CCDC15: variants seen among roughly 807,000 people sequenced by gnomAD.
CCDC15 encodes coiled-coil domain containing 15.
CCDC15 carries 105 observed loss-of-function variants against 114.5 expected under a neutral mutation model. The observed-to-expected ratio is 0.92, with a 90% confidence interval of 0.78 to 1.08. The LOEUF (loss-of-function observed/expected upper bound fraction) is 1.08, where lower values mean the gene tolerates loss of function less well. CCDC15 is among the 50% of genes least tolerant of loss of function. The pLI, the probability that CCDC15 is intolerant of heterozygous loss-of-function variation, is 0.00. For synonymous variants in CCDC15, 334 were observed against 377.8 expected, an observed-to-expected ratio of 0.88 and a Z score of 1.34; for missense variants, 1,105 against 1,093.6, an observed-to-expected ratio of 1.01 and a Z score of -0.15.
chr11:124,975,978 C>T (rs1257159775), intron 5 of CCDC15, among the ~76,000 whole-genome samples: 1 of 151,896 alleles, frequency 6.6e-6, no homozygotes, highest in African/African-American at 2.4e-5. Flanking sequence ...GTGCCTACCT[C>T]AGAATTCACA....
At chr11:124,991,231 A>G (rs969679471) in intron 8 of CCDC15, among the ~76,000 whole-genome samples, 2 of 152,238 alleles carry the variant, frequency 1.3e-5, no homozygotes, top group African/African-American at 4.8e-5. Context: ...AAGAAAAATG[A>G]CAGAGACCAA....
intron 4 of CCDC15, among the ~76,000 whole-genome samples, chr11:124,974,485 T>G (rs916311584): frequency 6.6e-6 from 1 of 152,218 alleles, no homozygotes; most frequent in African/African-American, 2.4e-5. Flanking sequence ...CTTAAAGTAG[T>G]TGAAACAAAT....
chr11:125,015,114 C>T (rs543815916), intron 13 of CCDC15, among the ~76,000 whole-genome samples: 5 of 151,928 alleles, frequency 3.3e-5, no homozygotes, highest in African/African-American at 1.2e-4. Context: ...TGAAGCAGTC[C>T]TTAAAGGGAA....
chr11:125,035,782 A>G (rs1390377678), intron 13 of CCDC15, among the ~76,000 whole-genome samples: 1 of 152,170 alleles, frequency 6.6e-6, no homozygotes, highest in Non-Finnish European at 1.5e-5. Context: ...TGCAAATAAT[A>G]TCTTATAACC....
chr11:124,995,070 G>A (rs1251644312), intron 11 of CCDC15, among the ~76,000 whole-genome samples: 1 of 152,136 alleles, frequency 6.6e-6, no homozygotes, highest in Non-Finnish European at 1.5e-5. Context: ...TGGCCTAAGG[G>A]TATGCTGCTG....
intron 13 of CCDC15, among the ~76,000 whole-genome samples, chr11:125,014,203 T>C (rs1948614405): frequency 6.6e-6 from 1 of 152,160 alleles, no homozygotes; most frequent in Non-Finnish European, 1.5e-5. Context: ...GAATAAACCT[T>C]ACCTAAATTA....
chr11:125,037,277 A>G (rs1948781729), intron 13 of CCDC15, among the ~76,000 whole-genome samples: 1 of 152,178 alleles, frequency 6.6e-6, no homozygotes, highest in Non-Finnish European at 1.5e-5. Context: ...ATCATTCTGA[A>G]TACTCTACCT....
rs878887902 is a variant in CCDC15 at position 124,986,700 on chromosome 11, T to TGTGCGC, written c.754-41_754-40insTGCGCG. 634 of 1,352,772 alleles carry TGTGCGC rather than the reference T, an allele frequency of 4.7e-4. 8 individuals are homozygous for TGTGCGC. In the African/African-American group the frequency reaches 7.2e-3, roughly 15 times the overall value. The allele number at this position is 1,352,772 out of a possible 1,614,324, so 83.8% of individuals were successfully genotyped here. On this transcript the variant is annotated intron_variant, in intron 6 of 15. Coordinates refer to ENST00000344762, the MANE Select transcript of CCDC15 (RefSeq NM_025004.3). ...GTGTGTGTGTGTGTGTTTGTGTGTG[T>TGTGCGC]GCGCGCGCGCGCGTGCGCGTTTTCA...
At position 124,981,872 on chromosome 11, in the gene CCDC15, C is replaced by T. The variant is rs576305606; in HGVS notation, c.753+4272C>T. On this transcript the variant is annotated intron_variant, in intron 6 of 15. Coordinates refer to ENST00000344762, the MANE Select transcript of CCDC15 (RefSeq NM_025004.3). The stretch of plus-strand genomic sequence containing the variant: ...CTGATCTCAAGTGATCCGCCCACCT[C>T]AGCTTCCCACGGTGCTGGGATTACA... Among the ~76,000 whole-genome samples the T allele has an allele frequency of 1.2e-4, 18 of 152,304 alleles. No homozygotes were observed. In the South Asian group the frequency reaches 1.7e-3, roughly 14 times the overall value.
At chr11:125,037,811 G>A (rs139349468) in intron 13 of CCDC15, among the ~76,000 whole-genome samples, 10 of 152,224 alleles carry the variant, frequency 6.6e-5, no homozygotes, top group Non-Finnish European at 1.0e-4. Flanking sequence ...GTTTAAGGTT[G>A]GAGGGCAAAT....
intron 4 of CCDC15, among the ~76,000 whole-genome samples, chr11:124,963,399 T>C (rs1161826309): frequency 1.3e-5 from 2 of 152,360 alleles, no homozygotes; most frequent in East Asian, 1.9e-4. Flanking sequence ...CCAGTGATGA[T>C]GAGCATTTTT....
In CCDC15 at chr11:125,038,516, G is replaced by T; in HGVS notation, c.2497G>T (p.Glu833Ter). 1 of 1,587,020 alleles carries T rather than the reference G, an allele frequency of 6.3e-7. No homozygotes were observed. The highest frequency in any genetic ancestry group is 8.6e-7 in the Non-Finnish European group (1 of 1,165,328). Reference sequence around the variant, plus strand: ...CTTTCATGAAGATCCATATTCAGGAGAGAAGTTGAGTGAGATATTAGCCCA... The same window carrying T: ...CTTTCATGAAGATCCATATTCAGGATAGAAGTTGAGTGAGATATTAGCCCA... The part of the protein sequence containing the change: ...MNFHEDPYSG[E>*]KLSEILAQLQ... Residue 833 changes from glutamate (E) to a stop codon, truncating the protein, a stop_gained, in exon 14 of 16, where the codon GAG becomes TAG. Transcript: ENST00000344762. LOFTEE classifies it high-confidence loss of function.
intron 3 of CCDC15, 86 bp from the exon 4 acceptor site, chr11:124,959,729 A>C (rs1209785553): frequency 3.4e-6 from 3 of 894,604 alleles, no homozygotes; most frequent in Non-Finnish European, 4.5e-6. Context: ...CCCCAATTTA[A>C]AATCTTCTGA....
At chr11:125,017,876 T>TA (rs1010731647) in intron 13 of CCDC15, among the ~76,000 whole-genome samples, 1 of 152,036 alleles carries the variant, frequency 6.6e-6, no homozygotes, top group African/African-American at 2.4e-5. Flanking sequence ...AAAAAGCATA[T>TA]AGGACAAGGA....
At position 125,040,895 on chromosome 11, in the gene CCDC15, T is replaced by G; in HGVS notation, c.*184T>G. The G allele has an allele frequency of 3.3e-6, 2 of 609,792 alleles. No individual in the cohort carries two copies. The highest frequency in any genetic ancestry group is 2.2e-5 in the South Asian group (1 of 46,088). The allele number at this position is 609,792 out of a possible 1,614,324, so 37.8% of individuals were successfully genotyped here. A position where few individuals can be genotyped will look rare whatever the true frequency, so the allele number is the denominator to read the frequency against. On this transcript the variant is annotated 3_prime_UTR_variant, in exon 16 of 16. Coordinates refer to ENST00000344762, the MANE Select transcript of CCDC15 (RefSeq NM_025004.3). ...TGGGAACCAAGATTGAAAGCTGACTTACTTCTCTCTTCTGTCTTGTGAACC... is the reference window on the plus strand; with the variant it reads ...TGGGAACCAAGATTGAAAGCTGACTGACTTCTCTCTTCTGTCTTGTGAACC...
chr11:125,040,495 G>T, intron 15 of CCDC15, 95 bp from the exon 16 acceptor site: 2 of 1,114,236 alleles, frequency 1.8e-6, no homozygotes, highest in South Asian at 1.7e-5. Flanking sequence ...TTACTTGTAA[G>T]ACTCTTGGTA....
intron 4 of CCDC15, among the ~76,000 whole-genome samples, chr11:124,970,096 C>G (rs1947855192): frequency 6.6e-6 from 1 of 152,090 alleles, no homozygotes; most frequent in South Asian, 2.1e-4. Context: ...GTATGCTTCC[C>G]TCTTATTTTC....
intron 4 of CCDC15, among the ~76,000 whole-genome samples, chr11:124,967,460 G>A (rs12269735): frequency 0.19 from 28,594 of 151,976 alleles, 3,067 homozygotes; most frequent in African/African-American, 0.28. Context: ...CGTAGTTCTC[G>A]TGCATGGTTT....
rs1312254860 is a variant in CCDC15, at chr11:125,038,772, A to G, written c.2586-149A>G. 4 of 1,174,740 alleles carry G rather than the reference A, an allele frequency of 3.4e-6. No homozygotes were observed. In the African/African-American group the frequency reaches 4.6e-5, roughly 14 times the overall value. The allele number at this position is 1,174,740 out of a possible 1,614,324, so 72.8% of individuals were successfully genotyped here. ...TGATTGCCTAATACTTCTTGGGTGT[A>G]GCCCTGCGTTTTTCCCAGTACAAAG... On this transcript the variant is annotated intron_variant, in intron 14 of 15. Transcript: ENST00000344762.
Sources: allele counts gnomAD v4.1 joint callset (sites outside exome capture counted in the v4.1 genomes callset), GRCh38; gene constraint gnomAD v4.1.1; transcripts MANE v1.5; gene names NCBI Gene and HGNC (gene_info 2026-07-23, HGNC 2026-07-21).